TRPM2: variants seen among roughly 807,000 people sequenced by gnomAD.
TRPM2 encodes transient receptor potential cation channel subfamily M member 2.
Under a neutral mutation model 174.0 loss-of-function variants are expected in TRPM2, and 161 were observed. That is an observed-to-expected ratio of 0.93 (90% CI 0.81 to 1.05). The LOEUF (loss-of-function observed/expected upper bound fraction) is 1.05, where lower values mean the gene tolerates loss of function less well. Among genes scored for constraint, TRPM2 ranks in the 50% least tolerant of loss-of-function variants. TRPM2 has a pLI of 0.00. For missense variants in TRPM2, 2,057 were observed against 2,038.0 expected (o/e 1.01, Z -0.18); for synonymous variants, 954 against 861.3 (o/e 1.11, Z -1.88).
intron 8 of TRPM2, among the ~76,000 whole-genome samples, chr21:44,381,047 G>C (rs979294993): frequency 6.6e-6 from 1 of 152,108 alleles, no homozygotes; most frequent in African/African-American, 2.4e-5. Context: ...AGTTCGCCAG[G>C]GAGCTCAGGA....
chr21:44,430,813 A>G (rs2050992514), intron 27 of TRPM2, among the ~76,000 whole-genome samples: 3 of 151,964 alleles, frequency 2.0e-5, no homozygotes, highest in Admixed American at 2.0e-4. Flanking sequence ...CTTTTTAGTA[A>G]TTGTAAATTT....
intron 19 of TRPM2, among the ~76,000 whole-genome samples, 154 bp downstream of exon 19, chr21:44,406,919 C>A (rs575212899): frequency 6.6e-6 from 1 of 150,686 alleles, no homozygotes; most frequent in Non-Finnish European, 1.5e-5. Flanking sequence ...ATTCATTCCC[C>A]AGCTCCTGTG....
intron 22 of TRPM2, among the ~76,000 whole-genome samples, chr21:44,420,240 C>A (rs913774012): frequency 6.6e-6 from 1 of 152,104 alleles, no homozygotes; most frequent in African/African-American, 2.4e-5. Flanking sequence ...CATTGGAGGG[C>A]CTTTCCTGCC....
intron 16 of TRPM2, among the ~76,000 whole-genome samples, chr21:44,403,684 T>C (rs1022223540): frequency 4.1e-5 from 6 of 145,194 alleles, no homozygotes; most frequent in Admixed American, 1.4e-4. Flanking sequence ...TGCATACACA[T>C]ACATGCACAC....
intron 8 of TRPM2, among the ~76,000 whole-genome samples, 169 bp from the exon 9 acceptor site, chr21:44,382,549 A>C (rs2048912632): frequency 1.3e-5 from 2 of 152,074 alleles, no homozygotes; most frequent in South Asian, 4.1e-4. Flanking sequence ...GTCCCCATGG[A>C]TCTTCATCTG....
chr21:44,395,556 T>C lies in TRPM2; in HGVS notation c.1932+5T>C. Reference sequence around the variant, plus strand: ...GCAGGAATCATCTGGGCTCAGGTAATAAGACTGGCTTCTCAGTCTCAGCAG... The same window carrying C: ...GCAGGAATCATCTGGGCTCAGGTAACAAGACTGGCTTCTCAGTCTCAGCAG... On this transcript the variant is annotated splice_donor_5th_base_variant and intron_variant, in intron 12 of 31. Transcript: ENST00000397928. 6.2e-7 allele frequency: 1 copy of C among 1,612,740 alleles called. No individual in the cohort carries two copies. Among genetic ancestry groups the C allele is most frequent in the Non-Finnish European group, 8.5e-7 (1 of 1,179,886 alleles).
At chr21:44,398,855 G>C (rs1245124056) in intron 13 of TRPM2, among the ~76,000 whole-genome samples, 1 of 152,186 alleles carries the variant, frequency 6.6e-6, no homozygotes. Flanking sequence ...TTTCTAATTT[G>C]TGGCTACTTT....
chr21:44,441,595 G>A, intron 31 of TRPM2, 97 bp from the exon 32 acceptor site: 2 of 1,427,554 alleles, frequency 1.4e-6, no homozygotes, highest in East Asian at 5.0e-5. Context: ...AAGGGAGGGT[G>A]TGCAGGCCCC....
intron 19 of TRPM2, 123 bp from the exon 20 acceptor site, chr21:44,413,768 T>G: frequency 1.7e-6 from 2 of 1,155,938 alleles, no homozygotes; most frequent in African/African-American, 1.5e-5. Context: ...GTCACCCAAA[T>G]GAGCAGCATC....
intron 7 of TRPM2, among the ~76,000 whole-genome samples, chr21:44,378,288 G>A (rs1277220245): frequency 6.6e-6 from 1 of 152,246 alleles, no homozygotes; most frequent in African/African-American, 2.4e-5. Context: ...AGGGTGCGAG[G>A]TGACCTCACC....
chr21:44,371,865 G>T (rs1005745937), intron 5 of TRPM2, among the ~76,000 whole-genome samples: 1 of 152,172 alleles, frequency 6.6e-6, no homozygotes, highest in Non-Finnish European at 1.5e-5. Flanking sequence ...GGGTGTGGGG[G>T]CTCACACCTG....
chr21:44,370,634 C>T (rs956053423), intron 5 of TRPM2, among the ~76,000 whole-genome samples: 10 of 152,318 alleles, frequency 6.6e-5, no homozygotes, highest in Middle Eastern at 3.4e-3. Flanking sequence ...GTCCATTCCC[C>T]GGGCGGGCAG....
chr21:44,422,261 C>T (rs747616181), intron 22 of TRPM2: 42 of 1,535,330 alleles, frequency 2.7e-5, no homozygotes, highest in African/African-American at 1.4e-4. Context: ...CAAAGCTCCT[C>T]GCCCACAGGG....
intron 9 of TRPM2, among the ~76,000 whole-genome samples, chr21:44,387,392 C>T (rs970448315): frequency 6.6e-6 from 1 of 152,132 alleles, no homozygotes; most frequent in African/African-American, 2.4e-5. Context: ...ACACCATATA[C>T]AAAAACTAAC....
At chr21:44,433,409 CCTT>C (rs1183505001) in intron 27 of TRPM2, among the ~76,000 whole-genome samples, 2 of 152,386 alleles carry the variant, frequency 1.3e-5, no homozygotes, top group South Asian at 2.1e-4. Flanking sequence ...GCCTTCCTCT[CCTT>C]CTGGAGCTCA....
At chr21:44,351,685 C>A (rs1220949815), upstream of TRPM2, among the ~76,000 whole-genome samples, 4 of 152,354 alleles carry the variant, frequency 2.6e-5, no homozygotes, top group African/African-American at 9.6e-5. Context: ...GGGTTCTGCA[C>A]CCCTGGGCTG....
intron 7 of TRPM2, among the ~76,000 whole-genome samples, chr21:44,378,546 G>A (rs1228425786): frequency 2.0e-5 from 3 of 152,146 alleles, no homozygotes; most frequent in African/African-American, 4.8e-5. Context: ...ACCCCAGGCC[G>A]ATGCTCATGC....
chr21:44,440,913 C>T lies in TRPM2; in HGVS notation c.4386+8C>T. ...CTGAACAGGCTGAACTCTGTATGTG[C>T]CTGGCCTCCCTGGAGGCGGGAGTGG... On this transcript the variant is annotated splice_region_variant and intron_variant, in intron 31 of 31. Transcript: ENST00000397928. The T allele has an allele frequency of 6.2e-7, 1 of 1,612,492 alleles. No individual in the cohort carries two copies. Among genetic ancestry groups the T allele is most frequent in the Non-Finnish European group, 8.5e-7 (1 of 1,179,002 alleles).
intron 29 of TRPM2, 117 bp downstream of exon 29, chr21:44,437,284 G>GCCCCCTGCAGCCCCCT: frequency 1.0e-6 from 1 of 973,088 alleles, no homozygotes; most frequent in Admixed American, 2.1e-5. Flanking sequence ...GCAGCCCCTG[G>GCCCCCTGCAGCCCCCT]GCAGGGAGGG....
Sources: allele counts gnomAD v4.1 joint callset (sites outside exome capture counted in the v4.1 genomes callset), GRCh38; gene constraint gnomAD v4.1.1; transcripts MANE v1.5; gene names NCBI Gene and HGNC (gene_info 2026-07-23, HGNC 2026-07-21).